The following ZNF124 variants were observed in gnomAD, a reference collection of about 807,000 sequenced individuals.
The protein encoded by ZNF124 is zinc finger protein 124.
In ZNF124, 25 loss-of-function variants were observed where a neutral mutation model predicts 26.6. The observed-to-expected ratio is 0.94, with a 90% CI of 0.68 to 1.31. The LOEUF (loss-of-function observed/expected upper bound fraction) is 1.31. Ranked by LOEUF, ZNF124 falls within the 40% of genes most tolerant of loss-of-function variation. The pLI is 0.00. For synonymous variants in ZNF124, 129 were observed against 133.3 expected (o/e 0.97, Z 0.22); for missense variants, 444 against 422.2 (o/e 1.05, Z -0.45).
At chr1:247,132,940 TC>T (rs772656671) in intron 3 of ZNF124, among the ~76,000 whole-genome samples, 4 of 152,182 alleles carry the variant, frequency 2.6e-5, no homozygotes, top group African/African-American at 4.8e-5. Flanking sequence ...CTGCTGAAGT[TC>T]CCAGCTGAAT....
In ZNF124 at chr1:247,159,823, T is replaced by C. The variant is rs776290446; in HGVS notation, c.31-10A>G. On this transcript the variant is annotated splice_polypyrimidine_tract_variant and intron_variant, in intron 1 of 3. Transcript: ENST00000543802. ...CAAAGGCAACCGAGTTCTAAAATAT[T>C]CCACATTTTTGTAGAGGATGGATGA... The C allele has an allele frequency of 6.2e-7, 1 of 1,607,694 alleles. No individual in the cohort carries two copies. The highest frequency in any genetic ancestry group is 8.5e-7 in the Non-Finnish European group (1 of 1,178,378).
chr1:247,138,918 A>G (rs1163561119), intron 3 of ZNF124, among the ~76,000 whole-genome samples: 2 of 152,230 alleles, frequency 1.3e-5, no homozygotes, highest in African/African-American at 4.8e-5. Context: ...AGATCAATGC[A>G]TATCTGACTG....
downstream of ZNF124, among the ~76,000 whole-genome samples, chr1:247,154,679 A>G (rs1243638585): frequency 1.3e-5 from 2 of 152,142 alleles, no homozygotes; most frequent in African/African-American, 4.8e-5. Flanking sequence ...TTAACCCCCC[A>G]AAAAAGCAAT....
intron 3 of ZNF124, 25 bp downstream of exon 3, chr1:247,158,981 G>T: frequency 6.2e-7 from 1 of 1,604,652 alleles, no homozygotes; most frequent in Non-Finnish European, 8.5e-7. Context: ...AAGGGGGACT[G>T]CTTCCTCTTG....
upstream of ZNF124, chr1:247,172,151 C>T (rs1219341760): frequency 8.0e-6 from 1 of 124,796 alleles, no homozygotes; most frequent in Non-Finnish European, 1.6e-5. Context: ...AGCTCCCGCG[C>T]GTGTCTGAAT....
intron 1 of ZNF124, among the ~76,000 whole-genome samples, chr1:247,164,952 C>T (rs1673690958): frequency 6.6e-6 from 1 of 151,824 alleles, no homozygotes; most frequent in Non-Finnish European, 1.5e-5. Context: ...TAATGCCACA[C>T]ACCTACGACC....
At chr1:247,164,600 C>CA (rs1225760025) in intron 1 of ZNF124, among the ~76,000 whole-genome samples, 1 of 149,318 alleles carries the variant, frequency 6.7e-6, no homozygotes, top group African/African-American at 2.5e-5. Flanking sequence ...AAAAAAAAAA[C>CA]AAAACAAAAC....
At chr1:247,124,097 G>A (rs1460668528) in intron 3 of ZNF124, among the ~76,000 whole-genome samples, 2 of 151,982 alleles carry the variant, frequency 1.3e-5, no homozygotes, top group African/African-American at 4.8e-5. Flanking sequence ...CAAAGTGCTG[G>A]GATTACAGGC....
chr1:247,122,816 G>A (rs1371317035), exon 4 of ZNF124: 1 of 152,256 alleles, frequency 6.6e-6, no homozygotes, highest in Non-Finnish European at 1.5e-5. Flanking sequence ...ATGTTCTCAT[G>A]TGTTTCACGG....
rs187973026 is a variant in ZNF124 at position 247,123,474 on chromosome 1, C to T, written c.*394G>A. 541 of 165,698 alleles carry T rather than the reference C, an allele frequency of 3.3e-3. 1 individual carries two copies. Among genetic ancestry groups the T allele is most frequent in the African/African-American group, 0.012 (516 of 42,040 alleles). The allele number at this position is 165,698 out of a possible 1,614,324, so 10.3% of individuals were successfully genotyped here. Reference sequence around the variant, plus strand: ...CCTCCCAAAGTGCTGGGATTACAGGCGTGAGCCACTGCGCCCGGCCTACGT... The same window carrying T: ...CCTCCCAAAGTGCTGGGATTACAGGTGTGAGCCACTGCGCCCGGCCTACGT... On this transcript the variant is annotated 3_prime_UTR_variant, in exon 4 of 4. Transcript: ENST00000472531.
intron 3 of ZNF124, among the ~76,000 whole-genome samples, chr1:247,124,315 TG>T (rs1444870824): frequency 6.6e-6 from 1 of 150,768 alleles, no homozygotes; most frequent in African/African-American, 2.5e-5. Flanking sequence ...GCGATTCTCC[TG>T]CCTAAGTCTC....
At chr1:247,149,151 G>T (rs944080860) in intron 3 of ZNF124, among the ~76,000 whole-genome samples, 1 of 152,072 alleles carries the variant, frequency 6.6e-6, no homozygotes, top group Non-Finnish European at 1.5e-5. Flanking sequence ...TCCTGAAAAA[G>T]ACAGCCCAGA....
At chr1:247,125,430 CTTTTTTTTTTTT>C (rs71566695) in intron 3 of ZNF124, among the ~76,000 whole-genome samples, 3,113 of 43,304 alleles carry the variant, frequency 0.072, 74 homozygotes, top group Admixed American at 0.2. Flanking sequence ...CTGTTTTTGT[CTTTTTTTTTTTT>C]TTTTTTTTTT....
intron 1 of ZNF124, among the ~76,000 whole-genome samples, chr1:247,165,425 G>A (rs1294106434): frequency 2.6e-5 from 4 of 152,066 alleles, no homozygotes; most frequent in African/African-American, 9.7e-5. Context: ...ATGCATTAAA[G>A]ACTTAAATGT....
At chr1:247,127,796 T>C (rs978828539) in intron 3 of ZNF124, among the ~76,000 whole-genome samples, 3 of 149,940 alleles carry the variant, frequency 2.0e-5, no homozygotes, top group Non-Finnish European at 3.0e-5. Context: ...ATTGCTCACT[T>C]GGGGAGCTCG....
intron 1 of ZNF124, among the ~76,000 whole-genome samples, chr1:247,161,035 G>T (rs749125525): frequency 4.6e-5 from 7 of 152,188 alleles, no homozygotes; most frequent in Non-Finnish European, 8.8e-5. Context: ...TGATATTTAT[G>T]TAAAATTTCA....
rs539142765 is a variant in ZNF124, at chr1:247,169,025, A to AAT, written c.30+2821_30+2822dup. Among the ~76,000 whole-genome samples the AAT allele has an allele frequency of 7.9e-5, 12 of 151,888 alleles. 2 individuals are homozygous for AAT. Among genetic ancestry groups the AAT allele is most frequent in the African/African-American group, 2.4e-4 (10 of 41,214 alleles). ...AAAAATTTTTTTAATTAAAAAACTA[A>AAT]ATATATATATAAAGTGGATTTAAAA... On this transcript the variant is annotated intron_variant, in intron 1 of 3. Coordinates refer to ENST00000543802, the MANE Select transcript of ZNF124 (RefSeq NM_001297568.2).
intron 3 of ZNF124, among the ~76,000 whole-genome samples, chr1:247,131,657 C>T (rs983582199): frequency 3.9e-5 from 6 of 152,294 alleles, no homozygotes; most frequent in Middle Eastern, 3.4e-3. Context: ...CCCAATACAC[C>T]GGCTGTGGCA....
intron 3 of ZNF124, among the ~76,000 whole-genome samples, chr1:247,144,275 A>T (rs946747334): frequency 6.6e-6 from 1 of 152,160 alleles, no homozygotes; most frequent in Non-Finnish European, 1.5e-5. Context: ...TTTCACCTTT[A>T]TTCTGGTCAC....
Sources: allele counts gnomAD v4.1 joint callset (sites outside exome capture counted in the v4.1 genomes callset), GRCh38; gene constraint gnomAD v4.1.1; transcripts MANE v1.5; gene names NCBI Gene and HGNC (gene_info 2026-07-23, HGNC 2026-07-21).